XXYLT1: variants seen among roughly 807,000 people sequenced by gnomAD.
XXYLT1 encodes xyloside xylosyltransferase 1.
Under a neutral mutation model 28.9 loss-of-function variants are expected in XXYLT1, and 20 were observed. That is an observed-to-expected ratio of 0.69 (90% confidence interval 0.49 to 1.00). The LOEUF is 1.00. Among genes scored for constraint, XXYLT1 ranks in the 50% least tolerant of loss-of-function variants. The pLI is 0.00. For synonymous variants in XXYLT1, 257 were observed against 253.8 expected (o/e 1.01, Z -0.12); for missense variants, 542 against 560.1 (o/e 0.97, Z 0.33).
chr3:195,180,842 AG>A lies in XXYLT1; in HGVS notation c.653-24262del, dbSNP rs201461148. On this transcript the variant is annotated intron_variant, in intron 2 of 3. Transcript: ENST00000310380. The surrounding 1 kb of genome is among the most constrained non-coding windows in gnomAD (Gnocchi z 5.8). Reference sequence around the variant, plus strand: ...GTCCTGCCTCAGGACTTTGCTCGTGAGGGGTCCTCAAGGCCACTGTCGCCCA... The same window carrying A: ...GTCCTGCCTCAGGACTTTGCTCGTGAGGGTCCTCAAGGCCACTGTCGCCCA... Among the ~76,000 whole-genome samples the A allele has an allele frequency of 8.3e-3, 1,271 of 152,316 alleles. 15 individuals are homozygous for A. Among genetic ancestry groups the A allele is most frequent in the African/African-American group, 0.029 (1,212 of 41,580 alleles).
chr3:195,251,993 G>A (rs918114735), intron 1 of XXYLT1, among the ~76,000 whole-genome samples: 5 of 152,150 alleles, frequency 3.3e-5, no homozygotes, highest in African/African-American at 7.2e-5. Flanking sequence ...ATGAGTAAAC[G>A]GAGGTCCACC....
chr3:195,083,349 T>G (rs550216229), intron 3 of XXYLT1, among the ~76,000 whole-genome samples: 7 of 152,260 alleles, frequency 4.6e-5, no homozygotes, highest in Admixed American at 3.3e-4. Flanking sequence ...GAAAGACTCC[T>G]CCCAGGCTGG....
At position 195,133,124 on chromosome 3, in the gene XXYLT1, C is replaced by A. The variant is rs956783054; in HGVS notation, c.785+23325G>T. 3.3e-5 allele frequency among the ~76,000 whole-genome samples: 5 copies of A among 152,086 alleles called. No homozygotes were observed. The highest frequency in any genetic ancestry group is 7.4e-5 in the Non-Finnish European group (5 of 68,024). On this transcript the variant is annotated intron_variant, in intron 3 of 3. Coordinates refer to ENST00000310380, the MANE Select transcript of XXYLT1 (RefSeq NM_152531.5). This position sits in a 1 kb window ranked among gnomAD's most constrained non-coding sequence, Gnocchi z 4.4. ...CACCAGCATGGTCTCAGGGACCTGA[C>A]AGAAGGAGGGTGGCAAGAGAAGGAA...
At chr3:195,197,294 G>A (rs867018470) in intron 2 of XXYLT1, among the ~76,000 whole-genome samples, 90 of 152,114 alleles carry the variant, frequency 5.9e-4, no homozygotes, top group African/African-American at 1.8e-3. Context: ...AAAATTAGCC[G>A]GGCGTGGTGG....
chr3:195,070,131 A>T lies in XXYLT1; in HGVS notation c.786-20T>A, dbSNP rs1560077812. The T allele has an allele frequency of 6.5e-7, 1 of 1,526,726 alleles. No individual in the cohort carries two copies. Among genetic ancestry groups the T allele is most frequent in the Non-Finnish European group, 8.7e-7 (1 of 1,143,254 alleles). 94.6% of individuals were successfully genotyped at this position (1,526,726 alleles called of 1,614,324 possible). On this transcript the variant is annotated intron_variant, in intron 3 of 3. Coordinates refer to ENST00000310380, the MANE Select transcript of XXYLT1 (RefSeq NM_152531.5). ...GTGTGCCTGTGGAGAGAGAGGACAG[A>T]GTTAGTCCGGTGTGCAGGGGAACCA...
At chr3:195,197,060 G>T (rs1055102083) in intron 2 of XXYLT1, among the ~76,000 whole-genome samples, 1 of 152,176 alleles carries the variant, frequency 6.6e-6, no homozygotes, top group African/African-American at 2.4e-5. Flanking sequence ...GTACTGAATT[G>T]GCAATGAGTT....
chr3:195,169,097 C>T (rs1043344258), intron 2 of XXYLT1, among the ~76,000 whole-genome samples: 2 of 152,238 alleles, frequency 1.3e-5, no homozygotes, highest in Non-Finnish European at 2.9e-5. Context: ...TGCAGTAAGA[C>T]GGTGGCTGGG....
intron 2 of XXYLT1, among the ~76,000 whole-genome samples, chr3:195,196,895 A>G (rs1384836215): frequency 2.0e-5 from 3 of 152,158 alleles, no homozygotes; most frequent in Non-Finnish European, 4.4e-5. Flanking sequence ...AGCACATTTG[A>G]GGACAGGCAG....
Position 195,078,900 on chromosome 3 carries a change from T to C in XXYLT1, c.786-8789A>G, listed in dbSNP as rs1355463945. Among the ~76,000 whole-genome samples, 1 of 152,122 alleles carries C rather than the reference T, an allele frequency of 6.6e-6. No homozygotes were observed. Among genetic ancestry groups the C allele is most frequent in the African/African-American group, 2.4e-5 (1 of 41,416 alleles). ...GCCCTTCCCTTCACCTTGACCACAG[T>C]GTCCTCAAACCACACCTAAGCTACC... On this transcript the variant is annotated intron_variant, in intron 3 of 3. Transcript: ENST00000310380. The surrounding 1 kb of genome is among the most constrained non-coding windows in gnomAD (Gnocchi z 5.0).
chr3:195,143,813 TAG>T lies in XXYLT1; in HGVS notation c.785+12634_785+12635del, dbSNP rs1560116956. Among the ~76,000 whole-genome samples, 225 of 97,064 alleles carry T rather than the reference TAG, an allele frequency of 2.3e-3. 5 individuals carry two copies. The highest frequency in any genetic ancestry group is 5.9e-3 in the East Asian group (8 of 1,366). 63.7% of individuals were successfully genotyped at this position (97,064 alleles called of 152,430 possible). On this transcript the variant is annotated intron_variant, in intron 3 of 3. Transcript: ENST00000310380. ...ATATATATATATAGATAGATATATA[TAG>T]ATATAGATATATATAGATATAGATA...
intron 3 of XXYLT1, among the ~76,000 whole-genome samples, chr3:195,099,845 A>T (rs1202837295): frequency 6.6e-6 from 1 of 151,850 alleles, no homozygotes; most frequent in Non-Finnish European, 1.5e-5. Context: ...AAAAAAAAAA[A>T]AAAAAATGCA....
At position 195,115,651 on chromosome 3, in the gene XXYLT1, T is replaced by G. The variant is rs748515767; in HGVS notation, c.785+40798A>C. 3.5e-4 allele frequency among the ~76,000 whole-genome samples: 53 copies of G among 152,180 alleles called. No homozygotes were observed. Among genetic ancestry groups the G allele is most frequent in the Non-Finnish European group, 3.7e-4 (25 of 68,026 alleles). On this transcript the variant is annotated intron_variant, in intron 3 of 3. Coordinates refer to ENST00000310380, the MANE Select transcript of XXYLT1 (RefSeq NM_152531.5). The surrounding 1 kb of genome is among the most constrained non-coding windows in gnomAD (Gnocchi z 4.2). ...GCTATTTACAGGACGACTCCCTTCA[T>G]CTGGTGCGGAGCAGTAACCCCCTCG... is the stretch of plus-strand genomic sequence containing the variant.
At chr3:195,079,267 T>C (rs1477772091) in intron 3 of XXYLT1, among the ~76,000 whole-genome samples, 7 of 151,902 alleles carry the variant, frequency 4.6e-5, no homozygotes, top group Non-Finnish European at 8.8e-5. Flanking sequence ...GGGGAGCGTA[T>C]GAACAGCAGA....
chr3:195,110,476 T>TGTGGGTGGG (rs879315643), intron 3 of XXYLT1, among the ~76,000 whole-genome samples: 1 of 23,962 alleles, frequency 4.2e-5, no homozygotes, highest in East Asian at 3.9e-4. Context: ...GGGTGAGGTG[T>TGTGGGTGGG]GTGTGTATGT....
intron 2 of XXYLT1, among the ~76,000 whole-genome samples, chr3:195,199,802 C>G (rs1029583713): frequency 6.6e-6 from 1 of 152,140 alleles, no homozygotes; most frequent in Non-Finnish European, 1.5e-5. Flanking sequence ...TAAGTCCTTT[C>G]CCTTCCCTGG....
chr3:195,135,628 A>G (rs1719153113), intron 3 of XXYLT1, among the ~76,000 whole-genome samples: 2 of 152,242 alleles, frequency 1.3e-5, no homozygotes, highest in South Asian at 4.1e-4. Flanking sequence ...ACACTGTGGC[A>G]GAAGTCAGCT....
intron 3 of XXYLT1, among the ~76,000 whole-genome samples, chr3:195,071,723 A>AT (rs1340359983): frequency 2.0e-5 from 3 of 152,040 alleles, no homozygotes; most frequent in African/African-American, 7.2e-5. Flanking sequence ...ATTTTACCCT[A>AT]TTTCTTCCCA....
At chr3:195,199,020 T>C (rs1257016399) in intron 2 of XXYLT1, among the ~76,000 whole-genome samples, 1 of 152,220 alleles carries the variant, frequency 6.6e-6, no homozygotes, top group Non-Finnish European at 1.5e-5. Flanking sequence ...TGATGGAGAC[T>C]TGCTGCTTAG....
intron 2 of XXYLT1, among the ~76,000 whole-genome samples, chr3:195,169,157 C>T (rs892053825): frequency 6.6e-6 from 1 of 152,268 alleles, no homozygotes; most frequent in Admixed American, 6.5e-5. Context: ...GATGGCTACA[C>T]AGGTCGCAGC....
Sources: gnomAD v4.1 joint callset for allele counts (sites outside exome capture counted in the v4.1 genomes callset) on GRCh38, gnomAD v4.1.1 for gene constraint, Gnocchi (gnomAD v3.1) non-coding constraint, MANE v1.5 for transcripts, NCBI Gene and HGNC (gene_info 2026-07-23, HGNC 2026-07-21) for gene names.